MYO5B: variants seen among roughly 807,000 people sequenced by gnomAD.
MYO5B encodes the protein myosin VB, also known as unconventional myosin-Vb.
A neutral mutation model predicts 229.3 loss-of-function variants in MYO5B; 143 were observed. The ratio of observed to expected loss-of-function variants is 0.62; its 90% confidence interval spans 0.54 to 0.72. The LOEUF is 0.72. MYO5B is among the 30% of genes least tolerant of loss of function. The probability of loss-of-function intolerance (pLI) is 0.00; values close to 1 mark genes in which losing one functional copy is unlikely to be tolerated. For synonymous variants in MYO5B, 918 were observed against 885.2 expected, an observed-to-expected ratio of 1.04 and a Z score of -0.66; for missense variants, 2,321 against 2,331.0, an observed-to-expected ratio of 1.00 and a Z score of 0.09.
chr18:50,149,241 T>C (rs1271383698), intron 1 of MYO5B, among the ~76,000 whole-genome samples: 2 of 151,972 alleles, frequency 1.3e-5, no homozygotes, highest in African/African-American at 4.8e-5. Context: ...ATCAATATCG[T>C]GAAAATGGCC....
intron 12 of MYO5B, among the ~76,000 whole-genome samples, chr18:49,959,489 G>C (rs1224911737): frequency 6.6e-6 from 1 of 152,176 alleles, no homozygotes; most frequent in East Asian, 1.9e-4. Context: ...AGCAGGCTGG[G>C]CCAGGTGAGG....
chr18:50,099,270 A>C (rs1444810018), intron 1 of MYO5B: 6 of 152,292 alleles, frequency 3.9e-5, no homozygotes, highest in African/African-American at 1.4e-4. Context: ...ACCTGAAACA[A>C]AAAAGGCATG....
At chr18:49,829,963 A>T (rs1167214894) in intron 39 of MYO5B, among the ~76,000 whole-genome samples, 1 of 152,214 alleles carries the variant, frequency 6.6e-6, no homozygotes, top group African/African-American at 2.4e-5. Flanking sequence ...AACATCACAA[A>T]TATCACACTC....
intron 39 of MYO5B, among the ~76,000 whole-genome samples, chr18:49,829,306 A>T (rs1018763680): frequency 4.6e-5 from 7 of 152,284 alleles, no homozygotes; most frequent in African/African-American, 1.4e-4. Flanking sequence ...AATAAAAAGG[A>T]TTATAAGAGA....
intron 4 of MYO5B, among the ~76,000 whole-genome samples, chr18:50,019,876 T>A (rs1397907857): frequency 6.6e-6 from 1 of 152,150 alleles, no homozygotes; most frequent in East Asian, 1.9e-4. Flanking sequence ...TCTGGCTGTG[T>A]CCCTCTTTCT....
At chr18:49,916,082 G>T (rs190248957) in intron 17 of MYO5B, among the ~76,000 whole-genome samples, 95 of 152,366 alleles carry the variant, frequency 6.2e-4, no homozygotes, top group African/African-American at 2.3e-3. Context: ...TTCCTTCCGT[G>T]TGTCTGAGGG....
chr18:49,962,629 T>A (rs1424287057), intron 11 of MYO5B, among the ~76,000 whole-genome samples: 2 of 152,122 alleles, frequency 1.3e-5, no homozygotes, highest in Non-Finnish European at 2.9e-5. Flanking sequence ...ATCACCTGAG[T>A]TGCCGTATTC....
At chr18:49,999,564 T>C (rs1250002803) in intron 5 of MYO5B, among the ~76,000 whole-genome samples, 1 of 152,248 alleles carries the variant, frequency 6.6e-6, no homozygotes, top group Non-Finnish European at 1.5e-5. Context: ...ACAAGGCTTA[T>C]GCTGTAATAG....
chr18:49,836,951 C>T, intron 37 of MYO5B, 66 bp from the exon 38 acceptor site: 1 of 1,536,146 alleles, frequency 6.5e-7, no homozygotes, highest in Non-Finnish European at 8.9e-7. Context: ...AAGGGGACAC[C>T]TGTTGTGTTT....
chr18:49,934,525 C>A (rs751264610), intron 16 of MYO5B, among the ~76,000 whole-genome samples: 2 of 152,176 alleles, frequency 1.3e-5, no homozygotes, highest in Non-Finnish European at 1.5e-5. Context: ...AGGGAAAGGC[C>A]CAAGGCCACA....
At chr18:49,879,943 C>T (rs923855929) in intron 23 of MYO5B, among the ~76,000 whole-genome samples, 4 of 152,328 alleles carry the variant, frequency 2.6e-5, no homozygotes, top group East Asian at 1.9e-4. Flanking sequence ...CCAGCAATGA[C>T]GACAGCTCCT....
At position 49,839,201 on chromosome 18, in the gene MYO5B, T is replaced by C; in HGVS notation, c.4795A>G (p.Ile1599Val). 6.2e-7 allele frequency: 1 copy of C among 1,614,170 alleles called. No homozygotes were observed. Among genetic ancestry groups the C allele is most frequent in the East Asian group, 2.2e-5 (1 of 44,888 alleles). Residue 1599 changes from isoleucine (I) to valine (V), a missense_variant, in exon 36 of 40, where the codon ATT becomes GTT. By Grantham distance (29) the Ile-to-Val change is conservative. Around this residue, in one of 2 missense-constraint regions of MYO5B, gnomAD observed 2,113 missense variants for 2,044.7 expected, o/e 1.03. Coordinates refer to ENST00000285039, the MANE Select transcript of MYO5B (RefSeq NM_001080467.3). Reference protein sequence around the residue: ...EYRQVLSDLSIQIYQQLIKIA... With the variant: ...EYRQVLSDLSVQIYQQLIKIA... ...TTAATGAGCTGCTGGTAGATCTGAATGGAAAGGTCACTCAGCACCTGACGG... is the reference window on the plus strand; with the variant it reads ...TTAATGAGCTGCTGGTAGATCTGAACGGAAAGGTCACTCAGCACCTGACGG...
intron 8 of MYO5B, among the ~76,000 whole-genome samples, chr18:49,981,530 G>C (rs1462864356): frequency 6.6e-6 from 1 of 152,220 alleles, no homozygotes; most frequent in Non-Finnish European, 1.5e-5. Flanking sequence ...TACCATGTAA[G>C]CATCATAGAT....
intron 1 of MYO5B, among the ~76,000 whole-genome samples, chr18:50,187,062 T>G (rs1221892553): frequency 6.6e-6 from 1 of 152,206 alleles, no homozygotes; most frequent in African/African-American, 2.4e-5. Context: ...TGCTTTCACT[T>G]AGACAAACCA....
intron 20 of MYO5B, among the ~76,000 whole-genome samples, chr18:49,903,426 G>C (rs2024866176): frequency 6.6e-6 from 1 of 152,200 alleles, no homozygotes; most frequent in African/African-American, 2.4e-5. Context: ...ATGAGTGACA[G>C]AGCTGGGAGC....
intron 3 of MYO5B, among the ~76,000 whole-genome samples, chr18:50,039,349 T>G (rs973124433): frequency 1.3e-5 from 2 of 152,214 alleles, no homozygotes; most frequent in Non-Finnish European, 2.9e-5. Context: ...TTGTTTTTTT[T>G]GAGACATAGT....
chr18:49,885,591 G>GAA (rs2024633593), intron 22 of MYO5B, among the ~76,000 whole-genome samples: 1 of 152,118 alleles, frequency 6.6e-6, no homozygotes, highest in African/African-American at 2.4e-5. Flanking sequence ...ATTTCAACTG[G>GAA]TTACAATGCT....
intron 1 of MYO5B, among the ~76,000 whole-genome samples, chr18:50,186,005 G>A (rs145059349): frequency 1.3e-5 from 2 of 152,334 alleles, no homozygotes; most frequent in East Asian, 3.9e-4. Flanking sequence ...GCCACCTGTG[G>A]TACTTTAAAT....
At chr18:50,051,864 T>C (rs1286993063) in intron 2 of MYO5B, among the ~76,000 whole-genome samples, 2 of 152,164 alleles carry the variant, frequency 1.3e-5, no homozygotes, top group Admixed American at 6.5e-5. Context: ...TTCCAGGTGC[T>C]GTGGGGAGAG....
Sources: allele counts gnomAD v4.1 joint callset (sites outside exome capture counted in the v4.1 genomes callset), GRCh38; gene constraint gnomAD v4.1.1; regional missense constraint gnomAD v4.1.1; transcripts MANE v1.5; gene names NCBI Gene and HGNC (gene_info 2026-07-23, HGNC 2026-07-21).